KCNN2: variants seen among roughly 807,000 people sequenced by gnomAD.
KCNN2 encodes the protein small conductance calcium-activated potassium channel protein 2.
A neutral mutation model predicts 55.5 loss-of-function variants in KCNN2; 24 were observed. The observed-to-expected ratio is 0.43, with a 90% confidence interval of 0.31 to 0.61. The LOEUF (loss-of-function observed/expected upper bound fraction) is 0.61. Among genes scored for constraint, KCNN2 ranks in the 20% least tolerant of loss-of-function variants. KCNN2 has a pLI of 0.08. For missense variants in KCNN2, 754 were observed against 853.6 expected (o/e 0.88, Z 1.45); for synonymous variants, 431 against 336.1 (o/e 1.28, Z -3.09).
intron 1 of KCNN2, among the ~76,000 whole-genome samples, chr5:114,109,288 A>C (rs537918545): frequency 6.6e-6 from 1 of 152,126 alleles, no homozygotes; most frequent in South Asian, 2.1e-4. Flanking sequence ...CAAAGCCAGC[A>C]ATGAAGAGAA....
intron 1 of KCNN2, among the ~76,000 whole-genome samples, chr5:114,174,373 A>T (rs994343081): frequency 1.3e-5 from 2 of 152,114 alleles, no homozygotes; most frequent in African/African-American, 4.8e-5. Context: ...CCTACTGCAG[A>T]TGGATAATGG....
intron 5 of KCNN2, among the ~76,000 whole-genome samples, chr5:114,481,916 A>G (rs570691809): frequency 7.9e-5 from 12 of 152,322 alleles, no homozygotes; most frequent in African/African-American, 1.4e-4. Flanking sequence ...GTAAAACCCA[A>G]AACTATAAAA....
chr5:114,205,239 T>C (rs934098540), intron 1 of KCNN2, among the ~76,000 whole-genome samples: 1 of 152,198 alleles, frequency 6.6e-6, no homozygotes, highest in Non-Finnish European at 1.5e-5. Context: ...TAAAAAATAT[T>C]TTCAAACGCA....
chr5:114,247,405 T>C (rs1292412911), intron 2 of KCNN2, among the ~76,000 whole-genome samples: 1 of 152,100 alleles, frequency 6.6e-6, no homozygotes, highest in African/African-American at 2.4e-5. Context: ...CAACAATGCA[T>C]TATTAAATTT....
At chr5:114,393,055 G>A (rs1758501757) in intron 2 of KCNN2, among the ~76,000 whole-genome samples, 1 of 151,774 alleles carries the variant, frequency 6.6e-6, no homozygotes, top group Admixed American at 6.6e-5. Context: ...TATTTCCTCA[G>A]CATTTTCTTT....
chr5:114,258,764 G>A (rs1755038034), intron 2 of KCNN2, among the ~76,000 whole-genome samples: 1 of 152,172 alleles, frequency 6.6e-6, no homozygotes, highest in Admixed American at 6.5e-5. Context: ...GTAGCTGAGA[G>A]CTGTAAAAGA....
At chr5:114,342,494 T>C (rs1362341319) in intron 2 of KCNN2, among the ~76,000 whole-genome samples, 1 of 152,110 alleles carries the variant, frequency 6.6e-6, no homozygotes, top group South Asian at 2.1e-4. Context: ...ACAGGAAAGA[T>C]TCCCTCCAGA....
Position 114,202,772 on chromosome 5 carries a change from G to C in KCNN2, c.-270-18708G>C, listed in dbSNP as rs528700065. On this transcript the variant is annotated intron_variant, in intron 1 of 10. Coordinates refer to the KCNN2 transcript ENST00000512097. ...TGGCTAATTTTTTGTATTTTTAGTA[G>C]AGATGGGGTTTCACCGTGTTAGCCA... is the stretch of plus-strand genomic sequence containing the variant. Among the ~76,000 whole-genome samples the C allele has an allele frequency of 4.6e-4, 70 of 151,748 alleles. 1 individual carries two copies. The highest frequency in any genetic ancestry group is 1.6e-3 in the African/African-American group (65 of 41,392).
At chr5:114,206,507 AT>A (rs1259551027) in intron 1 of KCNN2, among the ~76,000 whole-genome samples, 3 of 151,526 alleles carry the variant, frequency 2.0e-5, no homozygotes, top group African/African-American at 7.3e-5. Flanking sequence ...TTCTCCTCAT[AT>A]TTTTTTCAGC....
chr5:114,428,865 G>A (rs1014069214), intron 3 of KCNN2, among the ~76,000 whole-genome samples: 1 of 151,990 alleles, frequency 6.6e-6, no homozygotes, highest in African/African-American at 2.4e-5. Flanking sequence ...TTAGCAATAT[G>A]CATTTAAGAT....
chr5:114,332,613 G>A (rs1756845239), intron 2 of KCNN2, among the ~76,000 whole-genome samples: 3 of 152,082 alleles, frequency 2.0e-5, no homozygotes, highest in Admixed American at 6.6e-5. Context: ...CTTCTGTCTG[G>A]CCACCCTGCA....
At chr5:114,389,715 A>C (rs1758402074) in intron 2 of KCNN2, among the ~76,000 whole-genome samples, 1 of 152,178 alleles carries the variant, frequency 6.6e-6, no homozygotes, top group African/African-American at 2.4e-5. Flanking sequence ...CTAAACTAGG[A>C]CGTAGTCTAT....
At chr5:114,278,247 A>T (rs906234253) in intron 2 of KCNN2, among the ~76,000 whole-genome samples, 2 of 152,066 alleles carry the variant, frequency 1.3e-5, no homozygotes, top group African/African-American at 2.4e-5. Context: ...ACCTGCCTGT[A>T]TGAGGTATCT....
intron 2 of KCNN2, among the ~76,000 whole-genome samples, chr5:114,296,083 C>G (rs1196217381): frequency 6.6e-6 from 1 of 152,156 alleles, no homozygotes; most frequent in Non-Finnish European, 1.5e-5. Context: ...ATACTGTACT[C>G]TATCCTCAGA....
chr5:114,084,586 A>G (rs1750972695), intron 1 of KCNN2, among the ~76,000 whole-genome samples: 1 of 151,952 alleles, frequency 6.6e-6, no homozygotes, highest in African/African-American at 2.4e-5. Context: ...TGTCAGATAT[A>G]TTTGTAAATA....
In KCNN2 at chr5:114,362,881, C is replaced by A; in HGVS notation, c.742C>A (p.Pro248Thr). 1 of 1,598,106 alleles carries A rather than the reference C, an allele frequency of 6.3e-7. No individual in the cohort carries two copies. The highest frequency in any genetic ancestry group is 1.1e-5 in the South Asian group (1 of 90,680). ...GGACTCAGAGGCGCAGCCCCTGCAG[C>A]CCCCCGCGTCTGTCGGAGGAGGTGG... ...EMDSEAQPLQ[P>T]PASVGGGGGA... is the part of the protein sequence containing the mutation. Residue 248 changes from proline to threonine, a missense_variant, in exon 1 of 8, where the codon CCC (proline) becomes ACC (threonine). Physicochemically the swap from Pro to Thr is conservative, Grantham distance 38 (BLOSUM62 -1). Around this residue, in one of 4 missense-constraint regions of KCNN2, gnomAD observed 381 missense variants for 259.1 expected, o/e 1.47. Coordinates refer to ENST00000673685, the MANE Select transcript of KCNN2 (RefSeq NM_021614.4).
chr5:114,094,899 C>T (rs1332158753), intron 1 of KCNN2, among the ~76,000 whole-genome samples: 2 of 151,904 alleles, frequency 1.3e-5, no homozygotes, highest in Non-Finnish European at 2.9e-5. Flanking sequence ...TAATTCAATC[C>T]TGCTTTTATA....
intron 2 of KCNN2, among the ~76,000 whole-genome samples, chr5:114,374,174 A>G (rs184952761): frequency 6.2e-4 from 95 of 152,250 alleles, no homozygotes; most frequent in Non-Finnish European, 1.1e-3. Context: ...TCTATGTTAC[A>G]TTAACTCCTT....
At chr5:114,256,604 T>C (rs752993558) in intron 2 of KCNN2, among the ~76,000 whole-genome samples, 5 of 152,186 alleles carry the variant, frequency 3.3e-5, no homozygotes, top group Non-Finnish European at 5.9e-5. Flanking sequence ...TTGGTTTTCA[T>C]TGCATTTCTG....
Sources: allele counts gnomAD v4.1 joint callset (sites outside exome capture counted in the v4.1 genomes callset), GRCh38; gene constraint gnomAD v4.1.1; regional missense constraint gnomAD v4.1.1; transcripts MANE v1.5; gene names NCBI Gene and HGNC (gene_info 2026-07-23, HGNC 2026-07-21).